TET2: variants seen among roughly 807,000 people sequenced by gnomAD.
The protein encoded by TET2 is methylcytosine dioxygenase TET2.
TET2 carries 299 observed loss-of-function variants against 142.9 expected under a neutral mutation model. The observed-to-expected ratio is 2.09, with a 90% confidence interval of 1.90 to 2.30. The LOEUF is 2.30. Among genes scored for constraint, TET2 ranks in the 30% most tolerant of loss-of-function variants. The probability of loss-of-function intolerance (pLI) is 0.00; values close to 1 mark genes in which losing one functional copy is unlikely to be tolerated. For missense variants in TET2, 2,418 were observed against 2,378.0 expected (o/e 1.02, Z -0.35); for synonymous variants, 819 against 849.0 (o/e 0.96, Z 0.61).
In TET2 at chr4:105,277,362, CAT is replaced by C. The variant is rs1170765874; in HGVS notation, c.*844_*845del. 1.3e-5 allele frequency: 3 copies of C among 224,974 alleles called. No individual in the cohort carries two copies. Among genetic ancestry groups the C allele is most frequent in the Non-Finnish European group, 2.7e-5 (3 of 113,000 alleles). 13.9% of individuals were successfully genotyped at this position (224,974 alleles called of 1,614,324 possible). ...GTATATATGTACATATATACACAAA[CAT>C]GTATATGTGCACACACATGTATATG... is the stretch of plus-strand genomic sequence containing the variant. On this transcript the variant is annotated 3_prime_UTR_variant, in exon 11 of 11. Transcript: ENST00000380013.
At chr4:105,260,315 T>A (rs1353705937) in intron 7 of TET2, among the ~76,000 whole-genome samples, 1 of 152,172 alleles carries the variant, frequency 6.6e-6, no homozygotes, top group East Asian at 1.9e-4. Flanking sequence ...GTATTTCTTA[T>A]AATTTGCAAA....
intron 1 of TET2, among the ~76,000 whole-genome samples, chr4:105,183,403 G>C (rs1348320857): frequency 6.6e-6 from 1 of 151,772 alleles, no homozygotes; most frequent in Non-Finnish European, 1.5e-5. Context: ...ATATAATTTT[G>C]CTTGTGTTTT....
intron 1 of TET2, among the ~76,000 whole-genome samples, chr4:105,175,334 A>G (rs900386273): frequency 2.6e-5 from 4 of 152,194 alleles, no homozygotes; most frequent in Non-Finnish European, 4.4e-5. Context: ...AAAAAATGAC[A>G]TACAAGAACA....
In TET2 at chr4:105,270,678, A is replaced by G. The variant is rs997306123; in HGVS notation, c.4182+931A>G. Among the ~76,000 whole-genome samples, 3 of 22,148 alleles carry G rather than the reference A, an allele frequency of 1.4e-4. No homozygotes were observed. The African/African-American group carries it at 2.3e-3, about 17-fold the overall frequency. 14.5% of individuals were successfully genotyped at this position (22,148 alleles called of 152,430 possible). A position where few individuals can be genotyped will look rare whatever the true frequency, so the allele number is the denominator to read the frequency against. On this transcript the variant is annotated intron_variant, in intron 9 of 10. Coordinates refer to ENST00000380013, the MANE Select transcript of TET2 (RefSeq NM_001127208.3). ...TGAGGGGAAAATAGATACATGTTAT[A>G]TATATATATATATATATATATGTTC... is the stretch of plus-strand genomic sequence containing the variant.
intron 2 of TET2, among the ~76,000 whole-genome samples, chr4:105,211,163 A>G (rs1391442): frequency 0.083 from 12,602 of 152,206 alleles, 957 homozygotes; most frequent in East Asian, 0.2. Context: ...TCATTCTTCC[A>G]GGTCATTCTA....
At chr4:105,209,049 G>GTATGTATATATATA (rs1726992809) in intron 2 of TET2, among the ~76,000 whole-genome samples, 2 of 44,316 alleles carry the variant, frequency 4.5e-5, no homozygotes, top group Non-Finnish European at 8.2e-5. Flanking sequence ...TCAAGGCATG[G>GTATGTATATATATA]TATATATATA....
At chr4:105,186,272 G>A (rs776511690) in intron 1 of TET2, among the ~76,000 whole-genome samples, 2 of 152,074 alleles carry the variant, frequency 1.3e-5, no homozygotes, top group Non-Finnish European at 2.9e-5. Context: ...AGATATGTGT[G>A]TGGGAATGAG....
chr4:105,153,428 T>C (rs1200837080), intron 1 of TET2, among the ~76,000 whole-genome samples: 1 of 149,998 alleles, frequency 6.7e-6, no homozygotes, highest in South Asian at 2.1e-4. Context: ...AATCTTGTGA[T>C]TGTGCTGTTA....
intron 2 of TET2, among the ~76,000 whole-genome samples, chr4:105,195,345 T>A (rs1357780060): frequency 6.6e-6 from 1 of 152,140 alleles, no homozygotes; most frequent in Non-Finnish European, 1.5e-5. Flanking sequence ...GACCAGACAT[T>A]TTTCTCAAAA....
rs992806423 is a variant in TET2 at position 105,277,150 on chromosome 4, A to C, written c.*631A>C. Reference sequence around the variant, plus strand: ...AAAATGGTGTCTTTAATAGCTAAAAATTTAATGCCTTTATATCATCAAGAT... The same window carrying C: ...AAAATGGTGTCTTTAATAGCTAAAACTTTAATGCCTTTATATCATCAAGAT... On this transcript the variant is annotated 3_prime_UTR_variant, in exon 11 of 11. Transcript: ENST00000380013. 1 of 231,118 alleles carries C rather than the reference A, an allele frequency of 4.3e-6. No individual in the cohort carries two copies. The highest frequency in any genetic ancestry group is 8.6e-6 in the Non-Finnish European group (1 of 116,706). 14.3% of individuals were successfully genotyped at this position (231,118 alleles called of 1,614,324 possible). A position where few individuals can be genotyped will look rare whatever the true frequency, so the allele number is the denominator to read the frequency against.
chr4:105,183,817 A>G (rs1725264298), intron 1 of TET2, among the ~76,000 whole-genome samples: 1 of 152,170 alleles, frequency 6.6e-6, no homozygotes, highest in Non-Finnish European at 1.5e-5. Context: ...GAAAAAGAAA[A>G]TGACTATTAA....
chr4:105,172,042 A>G (rs1472401606), intron 1 of TET2, among the ~76,000 whole-genome samples: 2 of 152,164 alleles, frequency 1.3e-5, no homozygotes, highest in African/African-American at 4.8e-5. Context: ...TTCATCTATA[A>G]AATGAAGGAC....
chr4:105,193,235 C>T (rs1278376351), intron 2 of TET2, among the ~76,000 whole-genome samples: 1 of 151,958 alleles, frequency 6.6e-6, no homozygotes, highest in Non-Finnish European at 1.5e-5. Context: ...GGAGGGGAAA[C>T]AGCATGAAAT....
chr4:105,237,657 T>C, intron 3 of TET2: 1 of 1,409,744 alleles, frequency 7.1e-7, no homozygotes, highest in Admixed American at 3.1e-5. Flanking sequence ...TTTAGCTCTT[T>C]GTATATTATC....
intron 6 of TET2, among the ~76,000 whole-genome samples, chr4:105,255,497 C>T (rs1334016799): frequency 6.6e-6 from 1 of 152,124 alleles, no homozygotes; most frequent in Non-Finnish European, 1.5e-5. Flanking sequence ...TCTGTTAGAC[C>T]TAGTTGGTTT....
intron 1 of TET2, 86 bp downstream of exon 1, chr4:105,147,065 C>A (rs1037041966): frequency 6.6e-6 from 1 of 152,268 alleles, no homozygotes. Flanking sequence ...GGGGAGCAAA[C>A]CCTGTAGTGT....
chr4:105,269,878 G>A (rs1730869043), intron 9 of TET2, 131 bp downstream of exon 9: 1 of 1,111,364 alleles, frequency 9.0e-7, no homozygotes, highest in East Asian at 2.6e-5. Context: ...TGGCTGTGGA[G>A]GCCTCACAAT....
chr4:105,154,977 T>C (rs900586938), intron 1 of TET2, among the ~76,000 whole-genome samples: 4 of 152,112 alleles, frequency 2.6e-5, no homozygotes, highest in African/African-American at 7.2e-5. Flanking sequence ...GTGAGCCATG[T>C]TGGTGCCCCC....
intron 3 of TET2, chr4:105,240,536 C>T (rs1729235370): frequency 1.9e-6 from 2 of 1,078,776 alleles, no homozygotes; most frequent in Non-Finnish European, 2.3e-6. Flanking sequence ...TTCCCTCTTG[C>T]AATGAGATAC....
Sources: allele counts gnomAD v4.1 joint callset (sites outside exome capture counted in the v4.1 genomes callset), GRCh38; gene constraint gnomAD v4.1.1; transcripts MANE v1.5; gene names NCBI Gene and HGNC (gene_info 2026-07-23, HGNC 2026-07-21).